The following JMJD1C variants were observed in gnomAD, a reference collection of about 807,000 sequenced individuals.
The protein encoded by JMJD1C is jumonji domain containing 1C.
In JMJD1C, 31 loss-of-function variants were observed where a neutral mutation model predicts 245.3. The ratio of observed to expected loss-of-function variants is 0.13; its 90% CI spans 0.09 to 0.17. The LOEUF is 0.17. Ranked by LOEUF, JMJD1C falls within the 10% of genes least tolerant of loss-of-function variation. The pLI, the probability that JMJD1C is intolerant of heterozygous loss-of-function variation, is 1.00. For synonymous variants in JMJD1C, 1,057 were observed against 1,017.4 expected, an observed-to-expected ratio of 1.04 and a Z score of -0.74; for missense variants, 2,691 against 3,000.2, an observed-to-expected ratio of 0.90 and a Z score of 2.41.
intron 1 of JMJD1C, among the ~76,000 whole-genome samples, chr10:63,429,131 C>A (rs1950606191): frequency 6.6e-6 from 1 of 152,144 alleles, no homozygotes; most frequent in South Asian, 2.1e-4. Flanking sequence ...CAAACATGCA[C>A]AACCACACCT....
intron 1 of JMJD1C, among the ~76,000 whole-genome samples, chr10:63,392,871 C>CACACACACAA (rs1554918179): frequency 9.6e-6 from 1 of 103,888 alleles, no homozygotes; most frequent in Non-Finnish European, 1.9e-5. Context: ...TACATAAACA[C>CACACACACAA]ACACACACAC....
At chr10:63,302,390 A>G (rs189640323) in intron 2 of JMJD1C, among the ~76,000 whole-genome samples, 80 of 152,344 alleles carry the variant, frequency 5.3e-4, no homozygotes, top group African/African-American at 1.8e-3. Flanking sequence ...GCAATGAATG[A>G]CAGTGGCAGT....
intron 2 of JMJD1C, among the ~76,000 whole-genome samples, chr10:63,309,094 C>A (rs1938741217): frequency 6.6e-6 from 1 of 152,036 alleles, no homozygotes; most frequent in Non-Finnish European, 1.5e-5. Context: ...GACCAAACAA[C>A]AACAACAAAA....
chr10:63,292,610 C>G (rs890038249), intron 2 of JMJD1C, among the ~76,000 whole-genome samples: 1 of 151,106 alleles, frequency 6.6e-6, no homozygotes, highest in Non-Finnish European at 1.5e-5. Context: ...GACTCTGTCT[C>G]AAAAAAATAA....
chr10:63,301,927 CCAT>C (rs1172761070), intron 2 of JMJD1C: 12 of 282,474 alleles, frequency 4.2e-5, no homozygotes, highest in African/African-American at 2.7e-4. Flanking sequence ...GGAAACCAAT[CCAT>C]TTCCTATGAG....
intron 2 of JMJD1C, among the ~76,000 whole-genome samples, chr10:63,337,462 G>GA (rs1455867287): frequency 2.6e-5 from 2 of 75,902 alleles, no homozygotes; most frequent in African/African-American, 1.4e-4. Flanking sequence ...AAGGCGGGGG[G>GA]GGGGGAGGGA....
intron 1 of JMJD1C, among the ~76,000 whole-genome samples, chr10:63,416,716 T>C (rs979929230): frequency 3.3e-5 from 5 of 152,206 alleles, no homozygotes; most frequent in African/African-American, 1.2e-4. Context: ...CTTAGCTTTG[T>C]AATAAATTGT....
intron 19 of JMJD1C, 132 bp downstream of exon 19, chr10:63,186,083 A>T: frequency 1.4e-6 from 1 of 721,648 alleles, no homozygotes; most frequent in Non-Finnish European, 2.2e-6. Context: ...TTTTGTTTCC[A>T]ATTACTTGTT....
At chr10:63,265,865 T>A (rs892896166) in intron 2 of JMJD1C, among the ~76,000 whole-genome samples, 2 of 152,130 alleles carry the variant, frequency 1.3e-5, no homozygotes, top group African/African-American at 4.8e-5. Context: ...CATTTCAAAA[T>A]CATTGTGTTT....
chr10:63,496,715 T>C lies in JMJD1C; in HGVS notation n.113+25023A>G, dbSNP rs545775522. Among the ~76,000 whole-genome samples, 14 of 152,336 alleles carry C rather than the reference T, an allele frequency of 9.2e-5. No individual in the cohort carries two copies. In the South Asian group the frequency reaches 2.9e-3, roughly 32 times the overall value. On this transcript the variant is annotated intron_variant and non_coding_transcript_variant, in intron 1 of 3. Transcript: ENST00000633035. ...CTATATATGACCCCACCTAATGCCA[T>C]GTGATTTTCAGTGCCTACCTATAGT...
At chr10:63,244,767 A>T (rs1851949124) in intron 3 of JMJD1C, among the ~76,000 whole-genome samples, 1 of 137,624 alleles carries the variant, frequency 7.3e-6, no homozygotes. Flanking sequence ...ACGCCACTGC[A>T]TTCCACATCA....
Position 63,238,237 on chromosome 10 carries a change from A to G in JMJD1C, c.448-18254T>C, listed in dbSNP as rs112844585. Among the ~76,000 whole-genome samples, 974 of 151,572 alleles carry G rather than the reference A, an allele frequency of 6.4e-3. 7 individuals carry two copies. The highest frequency in any genetic ancestry group is 0.022 in the African/African-American group (932 of 41,426). ...GCTATAACTAAAATTCCAATGTATC[A>G]TAATAGAAAAGCACATTAGCCACCT... On this transcript the variant is annotated intron_variant, in intron 3 of 25. Transcript: ENST00000399262.
At chr10:63,418,626 C>G (rs1230813904) in intron 1 of JMJD1C, among the ~76,000 whole-genome samples, 1 of 152,074 alleles carries the variant, frequency 6.6e-6, no homozygotes, top group Admixed American at 6.5e-5. Flanking sequence ...GAGTTACAAA[C>G]AATAAAAGGC....
chr10:63,189,397 G>A lies in JMJD1C; in HGVS notation c.6341C>T (p.Ala2114Val). The A allele has an allele frequency of 6.2e-7, 1 of 1,613,528 alleles. No individual in the cohort carries two copies. The highest frequency in any genetic ancestry group is 8.5e-7 in the Non-Finnish European group (1 of 1,179,800). ...TMPNILDDII[A>V]SVVENKIPPS... Reference sequence around the variant, plus strand: ...TGGAATTTTGTTTTCAACAACTGAAGCAATTATGTCATCAAGAATGTTAGG... The same window carrying A: ...TGGAATTTTGTTTTCAACAACTGAAACAATTATGTCATCAAGAATGTTAGG... The change falls in exon 18 of 26, where the codon GCT (alanine) becomes GTT (valine). Residue 2114 changes from alanine to valine, a missense_variant. Physicochemically the swap from Ala to Val is moderately conservative, Grantham distance 64. Coordinates refer to ENST00000399262, the MANE Select transcript of JMJD1C (RefSeq NM_032776.3).
chr10:63,333,183 T>A (rs748211665), intron 2 of JMJD1C, among the ~76,000 whole-genome samples: 6 of 152,194 alleles, frequency 3.9e-5, no homozygotes, highest in Non-Finnish European at 8.8e-5. Flanking sequence ...TTAAAAGGCA[T>A]GATACAAAAT....
chr10:63,207,960 G>C lies in JMJD1C; in HGVS notation c.3709C>G (p.Pro1237Ala). 3.1e-6 allele frequency: 5 copies of C among 1,614,170 alleles called. No individual in the cohort carries two copies. The highest frequency in any genetic ancestry group is 4.2e-6 in the Non-Finnish European group (5 of 1,180,012). ...LSPPTLTPVM[P>A]VNAGGKVQES... ...TGAACTTTACCACCAGCATTTACTG[G>C]CATCACCGGAGTTAAAGTTGGAGGG... is the stretch of plus-strand genomic sequence containing the variant. The change falls in exon 10 of 26, where the codon CCA becomes GCA. Residue 1237 changes from proline (P) to alanine (A), a missense_variant. Pro to Ala is a conservative substitution (Grantham distance 27, BLOSUM62 -1). Around this residue, in one of 9 missense-constraint regions of JMJD1C, gnomAD observed 1,562 missense variants for 1,490.7 expected, o/e 1.05. Coordinates refer to ENST00000399262, the MANE Select transcript of JMJD1C (RefSeq NM_032776.3).
At position 63,465,508 on chromosome 10, in the gene JMJD1C, T is replaced by C. The variant is rs777477070; in HGVS notation, c.155A>G (p.Asn52Ser). 1.9e-6 allele frequency: 3 copies of C among 1,604,462 alleles called. No individual in the cohort carries two copies. The highest frequency in any genetic ancestry group is 1.1e-5 in the South Asian group (1 of 90,422). Residue 52 changes from asparagine (N) to serine (S), a missense_variant, in exon 1 of 26, where the codon AAT becomes AGT. By Grantham distance (46) the Asn-to-Ser change is conservative. This residue lies in a region of JMJD1C where 135 missense variants were observed against 115.5 expected (regional missense o/e 1.17). Transcript: ENST00000399262. ...IRAVSHRDSRNPDLAVYVEFD... is the reference protein window; with the variant it reads ...IRAVSHRDSRSPDLAVYVEFD... ...TGACTCTCTTACCGCCAGGTCCGGA[T>C]TGCGGCTGTCCCTGTGTGACACGGC...
At chr10:63,401,560 G>A (rs1283063478) in intron 1 of JMJD1C, among the ~76,000 whole-genome samples, 1 of 152,126 alleles carries the variant, frequency 6.6e-6, no homozygotes, top group Non-Finnish European at 1.5e-5. Flanking sequence ...ATATACCCTT[G>A]TATTAATTCT....
chr10:63,465,417 G>T, intron 1 of JMJD1C, 78 bp downstream of exon 1: 1 of 1,392,466 alleles, frequency 7.2e-7, no homozygotes, highest in East Asian at 2.4e-5. Flanking sequence ...CGAGGCGCCA[G>T]AGGGAAGCCT....
Sources: allele counts gnomAD v4.1 joint callset (sites outside exome capture counted in the v4.1 genomes callset), GRCh38; gene constraint gnomAD v4.1.1; regional missense constraint gnomAD v4.1.1; transcripts MANE v1.5; gene names NCBI Gene and HGNC (gene_info 2026-07-23, HGNC 2026-07-21).